INPP4A: variants seen among roughly 807,000 people sequenced by gnomAD.
INPP4A encodes the protein inositol polyphosphate-4-phosphatase, type I, 107kD.
INPP4A carries 33 observed loss-of-function variants against 119.8 expected under a neutral mutation model. The observed-to-expected ratio is 0.28, with a 90% confidence interval of 0.21 to 0.37. INPP4A has a LOEUF of 0.37. INPP4A is among the 10% of genes least tolerant of loss of function. The pLI, the probability that INPP4A is intolerant of heterozygous loss-of-function variation, is 1.00. For missense variants in INPP4A, 956 were observed against 1,289.9 expected, an observed-to-expected ratio of 0.74 and a Z score of 3.97; for synonymous variants, 496 against 500.7, an observed-to-expected ratio of 0.99 and a Z score of 0.12.
In INPP4A at chr2:98,563,475, T is replaced by A; in HGVS notation, c.1866T>A (p.Ser622Arg). 1 of 1,612,786 alleles carries A rather than the reference T, an allele frequency of 6.2e-7. No homozygotes were observed. The highest frequency in any genetic ancestry group is 8.5e-7 in the Non-Finnish European group (1 of 1,179,380). The change falls in exon 18 of 25, where the codon AGT becomes AGA. Residue 622 changes from serine (S) to arginine (R), a missense_variant. By Grantham distance (110) the Ser-to-Arg change is moderately radical. Around this residue, in one of 2 missense-constraint regions of INPP4A, gnomAD observed 304 missense variants for 492.1 expected, o/e 0.62. Transcript: ENST00000409851. ...PPEESSPGEW[S>R]EALYPLLTTL... is the part of the protein sequence containing the mutation. ...TCGCTTGTGCCCCAGGTGAATGGAGTGAGGCCCTTTACCCGCTGCTGACCA... is the reference window on the plus strand; with the variant it reads ...TCGCTTGTGCCCCAGGTGAATGGAGAGAGGCCCTTTACCCGCTGCTGACCA...
At chr2:98,515,114 T>C (rs1685862563) in intron 1 of INPP4A, among the ~76,000 whole-genome samples, 1 of 152,188 alleles carries the variant, frequency 6.6e-6, no homozygotes, top group Non-Finnish European at 1.5e-5. Context: ...TGCAGTATCC[T>C]TCCTGTCTGT....
chr2:98,566,045 C>T lies in INPP4A; in HGVS notation c.2296C>T (p.Arg766Trp). Reference sequence around the variant, plus strand: ...TTTCTCCAGCGACGGGTTTAACGTGCGGGTCCCTCTGCCGGGCCCGCTGTT... The same window carrying T: ...TTTCTCCAGCGACGGGTTTAACGTGTGGGTCCCTCTGCCGGGCCCGCTGTT... Reference protein sequence around the residue: ...ITGNRDGFNVRVPLPGPLFDA... With the variant: ...ITGNRDGFNVWVPLPGPLFDA... Residue 766 changes from arginine (R) to tryptophan (W), a missense_variant, in exon 21 of 25, where the codon CGG (arginine) becomes TGG (tryptophan). This residue lies in a region of INPP4A where 304 missense variants were observed against 492.1 expected (regional missense o/e 0.62). Transcript: ENST00000409851. The surrounding 1 kb of genome is among the most constrained non-coding windows in gnomAD (Gnocchi z 4.2). The T allele has an allele frequency of 6.2e-7, 1 of 1,606,310 alleles. No homozygotes were observed. Among genetic ancestry groups the T allele is most frequent in the Non-Finnish European group, 8.5e-7 (1 of 1,176,796 alleles).
At chr2:98,587,316 G>A (rs1403371456) in intron 24 of INPP4A, among the ~76,000 whole-genome samples, 160 bp from the exon 25 acceptor site, 1 of 152,076 alleles carries the variant, frequency 6.6e-6, no homozygotes, top group Non-Finnish European at 1.5e-5. Context: ...TCAGAAACCT[G>A]CCATCTTACA....
chr2:98,545,937 T>G, intron 11 of INPP4A, 32 bp from the exon 12 acceptor site: 2 of 1,473,788 alleles, frequency 1.4e-6, no homozygotes, highest in Non-Finnish European at 1.9e-6. Context: ...TGTATGCTGA[T>G]GGCCTTTATC....
Position 98,543,973 on chromosome 2 carries a change from C to T in INPP4A, c.915C>T (p.Tyr305=). Residue 305 remains tyrosine (Y), a synonymous_variant, in exon 11 of 25, where the codon TAC becomes TAT. Coordinates refer to ENST00000409851, the MANE Select transcript of INPP4A (RefSeq NM_001134225.2). ...VTQYQTIILT[Y]QENLTDLHQY... ...AGTACCAGACCATCATCCTCACATA[C>T]CAGGAGAACCTGACCGACCTCCATC... 1 of 1,582,472 alleles carries T rather than the reference C, an allele frequency of 6.3e-7. No individual in the cohort carries two copies. Among genetic ancestry groups the T allele is most frequent in the Non-Finnish European group, 8.6e-7 (1 of 1,163,276 alleles).
intron 7 of INPP4A, among the ~76,000 whole-genome samples, chr2:98,536,501 A>G (rs1015053140): frequency 6.6e-6 from 1 of 152,168 alleles, no homozygotes; most frequent in Admixed American, 6.5e-5. Flanking sequence ...GCCCCTCCCC[A>G]GTGGAATATA....
intron 1 of INPP4A, among the ~76,000 whole-genome samples, chr2:98,463,285 C>T (rs1326411908): frequency 6.6e-6 from 1 of 152,248 alleles, no homozygotes; most frequent in Non-Finnish European, 1.5e-5. Context: ...GGTGCAAGGG[C>T]AGATGGTTCT....
intron 4 of INPP4A, among the ~76,000 whole-genome samples, chr2:98,529,017 T>G (rs1386821078): frequency 6.7e-6 from 1 of 150,174 alleles, no homozygotes; most frequent in Non-Finnish European, 1.5e-5. Flanking sequence ...AGGCGGAGCT[T>G]GCTGTGAGCC....
chr2:98,571,470 G>A (rs1697428662), intron 22 of INPP4A, among the ~76,000 whole-genome samples: 2 of 152,262 alleles, frequency 1.3e-5, no homozygotes, highest in African/African-American at 4.8e-5. Context: ...GTAGGAAGGG[G>A]GAATTTGTGC....
rs979808934 is a variant in INPP4A, at chr2:98,554,636, C to T, written c.1566+147C>T. ...GTTTCCTTCCTGGATGGCTCCTTGG[C>T]TCCTGATGCAGGGAGGGAGGAGACT... On this transcript the variant is annotated intron_variant, in intron 15 of 24. Transcript: ENST00000409851. The surrounding 1 kb of genome is among the most constrained non-coding windows in gnomAD (Gnocchi z 4.7). The T allele has an allele frequency of 1.9e-5, 13 of 695,386 alleles. No individual in the cohort carries two copies. Among genetic ancestry groups the T allele is most frequent in the African/African-American group, 1.8e-4 (10 of 55,876 alleles). 43.1% of individuals were successfully genotyped at this position (695,386 alleles called of 1,614,324 possible).
chr2:98,546,127 T>G lies in INPP4A; in HGVS notation c.1054+54T>G. 3.1e-6 allele frequency: 4 copies of G among 1,270,252 alleles called. No individual in the cohort carries two copies. The highest frequency in any genetic ancestry group is 4.5e-6 in the Non-Finnish European group (4 of 892,534). The allele number at this position is 1,270,252 out of a possible 1,614,324, so 78.7% of individuals were successfully genotyped here. A position where few individuals can be genotyped will look rare whatever the true frequency, so the allele number is the denominator to read the frequency against. ...AATCACATTTCGCTGCTTTTCTCTG[T>G]GGGTACTTGGTCCCTGAGTACCCCA... is the stretch of plus-strand genomic sequence containing the variant. On this transcript the variant is annotated intron_variant, in intron 12 of 24. Coordinates refer to ENST00000409851, the MANE Select transcript of INPP4A (RefSeq NM_001134225.2). This position sits in a 1 kb window ranked among gnomAD's most constrained non-coding sequence, Gnocchi z 4.2.
At chr2:98,510,487 ACTT>A (rs1052656365) in intron 1 of INPP4A, among the ~76,000 whole-genome samples, 12 of 152,278 alleles carry the variant, frequency 7.9e-5, no homozygotes, top group African/African-American at 2.9e-4. Context: ...GCAGAAATGT[ACTT>A]CTTAGACCTG....
chr2:98,474,532 G>GC (rs1676808676), intron 1 of INPP4A, among the ~76,000 whole-genome samples: 1 of 152,244 alleles, frequency 6.6e-6, no homozygotes, highest in Non-Finnish European at 1.5e-5. Flanking sequence ...GAGAGCCAGA[G>GC]CAGGTGAATG....
At chr2:98,501,919 C>T (rs1225694831) in intron 1 of INPP4A, among the ~76,000 whole-genome samples, 2 of 152,202 alleles carry the variant, frequency 1.3e-5, no homozygotes, top group East Asian at 1.9e-4. Flanking sequence ...TGCTGTGAAG[C>T]GTTCAGCAGC....
In INPP4A at chr2:98,570,929, G is replaced by A. The variant is rs1202653298; in HGVS notation, c.2519-1886G>A. Among the ~76,000 whole-genome samples the A allele has an allele frequency of 6.6e-6, 1 of 152,104 alleles. No homozygotes were observed. Among genetic ancestry groups the A allele is most frequent in the Non-Finnish European group, 1.5e-5 (1 of 67,978 alleles). The stretch of plus-strand genomic sequence containing the variant: ...CCAGAGAGCCTGGAAAAATACAGAT[G>A]CCTGGGCCCCACCCCAGAGTGTGGT... On this transcript the variant is annotated intron_variant, in intron 22 of 24. Transcript: ENST00000409851. The surrounding 1 kb of genome is among the most constrained non-coding windows in gnomAD (Gnocchi z 4.3).
chr2:98,571,994 G>C (rs906490535), intron 22 of INPP4A: 4 of 152,574 alleles, frequency 2.6e-5, no homozygotes, highest in African/African-American at 9.6e-5. Flanking sequence ...CACAGGACCT[G>C]TGTACGCCAG....
intron 1 of INPP4A, among the ~76,000 whole-genome samples, chr2:98,512,683 C>G (rs928708860): frequency 1.3e-5 from 2 of 152,218 alleles, no homozygotes; most frequent in African/African-American, 4.8e-5. Context: ...GTGTCCTAAT[C>G]ACCTCTTAAG....
At chr2:98,523,829 G>T (rs1687696755) in intron 4 of INPP4A, among the ~76,000 whole-genome samples, 1 of 152,186 alleles carries the variant, frequency 6.6e-6, no homozygotes, top group Non-Finnish European at 1.5e-5. Flanking sequence ...ATGTTGCAGA[G>T]AGGTAGTCAG....
intron 1 of INPP4A, among the ~76,000 whole-genome samples, chr2:98,480,677 G>A (rs1392505981): frequency 4.6e-5 from 7 of 152,164 alleles, no homozygotes; most frequent in African/African-American, 1.4e-4. Flanking sequence ...GCTAGCTCCC[G>A]TGCATTTGCA....
Sources: gnomAD v4.1 joint callset for allele counts (sites outside exome capture counted in the v4.1 genomes callset) on GRCh38, gnomAD v4.1.1 for gene constraint, gnomAD v4.1.1 regional missense constraint, Gnocchi (gnomAD v3.1) non-coding constraint, MANE v1.5 for transcripts, NCBI Gene and HGNC (gene_info 2026-07-23, HGNC 2026-07-21) for gene names.